CNTN4: variants seen among roughly 807,000 people sequenced by gnomAD.
CNTN4 encodes the protein contactin 4.
Under a neutral mutation model 122.5 loss-of-function variants are expected in CNTN4, and 77 were observed. The ratio of observed to expected loss-of-function variants is 0.63; its 90% CI spans 0.52 to 0.76. The LOEUF is 0.76. Ranked by LOEUF, CNTN4 falls within the 30% of genes least tolerant of loss-of-function variation. The probability of loss-of-function intolerance (pLI) is 0.00; values close to 1 mark genes in which losing one functional copy is unlikely to be tolerated. For synonymous variants in CNTN4, 512 were observed against 447.0 expected (o/e 1.15, Z -1.83); for missense variants, 1,256 against 1,259.1 (o/e 1.00, Z 0.04).
intron 3 of CNTN4, among the ~76,000 whole-genome samples, chr3:2,347,898 C>A (rs2044464597): frequency 6.6e-6 from 1 of 151,252 alleles, no homozygotes; most frequent in South Asian, 2.1e-4. Context: ...GATTCAGTTC[C>A]TTTTTATTTG....
intron 13 of CNTN4, among the ~76,000 whole-genome samples, chr3:2,944,148 T>A (rs993379546): frequency 6.6e-6 from 1 of 151,742 alleles, no homozygotes; most frequent in Admixed American, 6.6e-5. Context: ...AAATGAATTT[T>A]TGGGGGGTTT....
intron 4 of CNTN4, among the ~76,000 whole-genome samples, chr3:2,657,748 T>C (rs2083660532): frequency 6.6e-6 from 1 of 152,036 alleles, no homozygotes; most frequent in Non-Finnish European, 1.5e-5. Flanking sequence ...AGTTACTGTT[T>C]TCTAATGCAA....
intron 4 of CNTN4, among the ~76,000 whole-genome samples, chr3:2,701,887 A>G (rs7635049): frequency 0.45 from 68,852 of 152,018 alleles, 16,291 homozygotes; most frequent in Middle Eastern, 0.53. Context: ...GATTTTTATG[A>G]TACAAGTAAC....
chr3:2,667,481 CTGG>C (rs1452404707), intron 4 of CNTN4, among the ~76,000 whole-genome samples: 1 of 152,074 alleles, frequency 6.6e-6, no homozygotes, highest in African/African-American at 2.4e-5. Context: ...CTTGTAGATT[CTGG>C]ATATTAGCCC....
chr3:2,199,714 A>G (rs1253351419), intron 2 of CNTN4, among the ~76,000 whole-genome samples: 5 of 152,236 alleles, frequency 3.3e-5, no homozygotes, highest in Non-Finnish European at 7.3e-5. Context: ...GAAGACAGAC[A>G]GTAAATAACA....
At position 2,565,166 on chromosome 3, in the gene CNTN4, T is replaced by C. The variant is rs541429057; in HGVS notation, c.-88-6250T>C. ...TAAATAAGGGATTCCATCCTATACATGTCTGCCTCTTGTTTAATAGATGTA... is the reference window on the plus strand; with the variant it reads ...TAAATAAGGGATTCCATCCTATACACGTCTGCCTCTTGTTTAATAGATGTA... On this transcript the variant is annotated intron_variant, in intron 3 of 24. Transcript: ENST00000418658. 8.8e-4 allele frequency among the ~76,000 whole-genome samples: 134 copies of C among 152,266 alleles called. 2 individuals carry two copies. Among genetic ancestry groups the C allele is most frequent in the African/African-American group, 3.1e-3 (128 of 41,570 alleles).
intron 2 of CNTN4, among the ~76,000 whole-genome samples, chr3:2,183,580 G>A (rs1373492851): frequency 1.3e-5 from 2 of 152,106 alleles, no homozygotes; most frequent in African/African-American, 2.4e-5. Context: ...ATAGAGACCT[G>A]TTCTCTGTTA....
chr3:2,316,069 C>T (rs1419987295), intron 2 of CNTN4, among the ~76,000 whole-genome samples: 1 of 151,932 alleles, frequency 6.6e-6, no homozygotes, highest in Non-Finnish European at 1.5e-5. Flanking sequence ...ATGTCTCATC[C>T]TTGTGTTTTA....
At chr3:2,345,303 A>G (rs2044360842) in intron 3 of CNTN4, among the ~76,000 whole-genome samples, 1 of 152,078 alleles carries the variant, frequency 6.6e-6, no homozygotes, top group African/African-American at 2.4e-5. Context: ...TTTTTTAAAA[A>G]GTTTGTTTTT....
chr3:2,302,777 A>G (rs2042570481), intron 2 of CNTN4, among the ~76,000 whole-genome samples: 1 of 152,186 alleles, frequency 6.6e-6, no homozygotes, highest in Non-Finnish European at 1.5e-5. Flanking sequence ...AGAACATCTA[A>G]TGATATGTTG....
chr3:2,718,842 AT>A (rs1432499648), intron 4 of CNTN4, among the ~76,000 whole-genome samples: 1 of 152,200 alleles, frequency 6.6e-6, no homozygotes, highest in African/African-American at 2.4e-5. Flanking sequence ...TTTAAAGTAA[AT>A]GTAGACATAT....
At chr3:2,380,984 T>C (rs1249683580) in intron 3 of CNTN4, among the ~76,000 whole-genome samples, 2 of 151,950 alleles carry the variant, frequency 1.3e-5, no homozygotes, top group East Asian at 3.9e-4. Context: ...ACCTTTCCCT[T>C]CTTTTGTTTT....
intron 14 of CNTN4, among the ~76,000 whole-genome samples, chr3:3,022,710 CTG>C (rs1016880966): frequency 2.6e-5 from 4 of 152,082 alleles, no homozygotes; most frequent in African/African-American, 9.7e-5. Flanking sequence ...ATAGAAAACA[CTG>C]TAGAAAGTAA....
intron 2 of CNTN4, among the ~76,000 whole-genome samples, chr3:2,330,414 C>T (rs532756848): frequency 6.6e-6 from 1 of 152,266 alleles, no homozygotes; most frequent in Admixed American, 6.5e-5. Flanking sequence ...AGCCCCTCTT[C>T]CCTCCTGAGG....
intron 2 of CNTN4, among the ~76,000 whole-genome samples, chr3:2,265,708 T>A (rs9814980): frequency 0.029 from 4,381 of 151,986 alleles, 212 homozygotes; most frequent in African/African-American, 0.1. Context: ...ACATGGGATA[T>A]TTCTTCATTT....
At chr3:3,054,432 A>G (rs1701588723) in intron 24 of CNTN4, among the ~76,000 whole-genome samples, 1 of 152,250 alleles carries the variant, frequency 6.6e-6, no homozygotes, top group East Asian at 1.9e-4. Context: ...TTCAATGGGT[A>G]TATGCAACAT....
chr3:2,821,337 C>G (rs1250149454), intron 7 of CNTN4, among the ~76,000 whole-genome samples: 1 of 152,192 alleles, frequency 6.6e-6, no homozygotes, highest in Non-Finnish European at 1.5e-5. Flanking sequence ...ATGCCCTTCT[C>G]TGATTCTTCT....
At chr3:2,412,559 A>G (rs1362227234) in intron 3 of CNTN4, among the ~76,000 whole-genome samples, 1 of 152,090 alleles carries the variant, frequency 6.6e-6, no homozygotes, top group African/African-American at 2.4e-5. Flanking sequence ...GGCCCAGTCA[A>G]CAGTTCTCGT....
In CNTN4 at chr3:3,014,090, C is replaced by T. The variant is rs142636534; in HGVS notation, c.1487-12012C>T. Among the ~76,000 whole-genome samples the T allele has an allele frequency of 1.5e-3, 220 of 145,910 alleles. 1 individual carries two copies. The highest frequency in any genetic ancestry group is 5.3e-3 in the African/African-American group (212 of 40,062). ...CACACACACACACACACACACACCC[C>T]TAGGGGTTTTGTTTGTTTTAATTCA... On this transcript the variant is annotated intron_variant, in intron 14 of 24. Transcript: ENST00000418658.
Sources: allele counts gnomAD v4.1 joint callset (sites outside exome capture counted in the v4.1 genomes callset), GRCh38; gene constraint gnomAD v4.1.1; transcripts MANE v1.5; gene names NCBI Gene and HGNC (gene_info 2026-07-23, HGNC 2026-07-21).